Variants in SAMD5 observed in about 807,000 individuals in gnomAD.
SAMD5 encodes sterile alpha motif domain containing 5, also known as sterile alpha motif domain-containing protein 5.
In SAMD5, 13 loss-of-function variants were observed where a neutral mutation model predicts 11.3. That is an observed-to-expected ratio of 1.15 (90% CI 0.75 to 1.83). The LOEUF (loss-of-function observed/expected upper bound fraction) is 1.83, where lower values mean the gene tolerates loss of function less well. Ranked by LOEUF, SAMD5 falls within the 40% of genes most tolerant of loss-of-function variation. SAMD5 has a pLI of 0.00. For missense variants in SAMD5, 255 were observed against 239.1 expected (o/e 1.07, Z -0.44); for synonymous variants, 129 against 111.3 (o/e 1.16, Z -1.00).
intron 1 of SAMD5, among the ~76,000 whole-genome samples, chr6:147,549,990 A>G (rs960171347): frequency 6.6e-6 from 1 of 151,308 alleles, no homozygotes; most frequent in East Asian, 1.9e-4. Context: ...CATGCCTGTA[A>G]TCCCCACACT....
chr6:147,935,247 C>T, the SAMD5 span, among the ~76,000 whole-genome samples: 1 of 152,266 alleles, frequency 6.6e-6, no homozygotes, highest in African/African-American at 2.4e-5. Flanking sequence ...GCCTGCCTCT[C>T]AAGATCAGTC....
At chr6:147,525,551 G>C (rs947868087) in intron 1 of SAMD5, among the ~76,000 whole-genome samples, 35 of 151,966 alleles carry the variant, frequency 2.3e-4, no homozygotes, top group Non-Finnish European at 1.5e-5. Context: ...GGTAATGACT[G>C]TAACTTTTCC....
chr6:147,671,537 C>A (rs9390490), intron 1 of SAMD5, among the ~76,000 whole-genome samples: 11,371 of 152,254 alleles, frequency 0.075, 542 homozygotes, highest in South Asian at 0.18. Context: ...AGAGTTTCTA[C>A]CAAATTGTTC....
At chr6:147,796,024 C>T in the SAMD5 span, among the ~76,000 whole-genome samples, 70,562 of 143,682 alleles carry the variant, frequency 0.49, 17,979 homozygotes, top group South Asian at 0.61. Flanking sequence ...GTTGCCTGTT[C>T]ACTCTGATGG....
the SAMD5 span, among the ~76,000 whole-genome samples, chr6:147,879,662 CA>C: frequency 6.6e-6 from 1 of 152,086 alleles, no homozygotes; most frequent in South Asian, 2.1e-4. Flanking sequence ...CTTTTGAAAA[CA>C]GTGCATGAAA....
chr6:147,800,734 T>A, the SAMD5 span, among the ~76,000 whole-genome samples: 4 of 150,170 alleles, frequency 2.7e-5, no homozygotes, highest in Non-Finnish European at 5.9e-5. Flanking sequence ...ATTACTGTTT[T>A]AAAAATAGCA....
chr6:147,699,236 A>G (rs528023234), intron 1 of SAMD5, among the ~76,000 whole-genome samples: 4 of 152,308 alleles, frequency 2.6e-5, no homozygotes, highest in Admixed American at 6.5e-5. Context: ...GCCTGGCTCA[A>G]AGCAGAGGCT....
At chr6:147,878,557 G>GAT in the SAMD5 span, among the ~76,000 whole-genome samples, 1 of 144,924 alleles carries the variant, frequency 6.9e-6, no homozygotes, top group Admixed American at 6.9e-5. Context: ...ACTATATAAA[G>GAT]ATATATATAC....
intron 1 of SAMD5, among the ~76,000 whole-genome samples, chr6:147,624,304 C>G (rs1368650400): frequency 6.6e-6 from 1 of 152,122 alleles, no homozygotes; most frequent in Non-Finnish European, 1.5e-5. Context: ...GCTCGCTTCC[C>G]CCACCCCACC....
the SAMD5 span, among the ~76,000 whole-genome samples, chr6:147,829,325 C>T: frequency 6.6e-6 from 1 of 152,176 alleles, no homozygotes; most frequent in Non-Finnish European, 1.5e-5. Flanking sequence ...GGCTCATAGA[C>T]TCTGCCCCCT....
At chr6:147,942,643 C>T in the SAMD5 span, among the ~76,000 whole-genome samples, 1 of 152,166 alleles carries the variant, frequency 6.6e-6, no homozygotes, top group African/African-American at 2.4e-5. Flanking sequence ...CTAAGAGGCT[C>T]CTGTGGAAAA....
the SAMD5 span, among the ~76,000 whole-genome samples, chr6:147,886,824 G>A: frequency 6.6e-6 from 1 of 152,186 alleles, no homozygotes; most frequent in African/African-American, 2.4e-5. Context: ...CTGAGGGAAG[G>A]CTCTGGCCAA....
chr6:147,577,127 G>A (rs1326043232), intron 1 of SAMD5, among the ~76,000 whole-genome samples: 1 of 152,184 alleles, frequency 6.6e-6, no homozygotes, highest in Non-Finnish European at 1.5e-5. Context: ...TGCCTAAATT[G>A]AAGGAATTTG....
chr6:147,691,036 C>A (rs1225025932), intron 1 of SAMD5, among the ~76,000 whole-genome samples: 2 of 151,134 alleles, frequency 1.3e-5, no homozygotes, highest in Non-Finnish European at 2.9e-5. Flanking sequence ...CTCTTGTTGC[C>A]CAGGCTGGAG....
At chr6:147,513,209 T>C (rs1246881772) in intron 1 of SAMD5, among the ~76,000 whole-genome samples, 2 of 151,750 alleles carry the variant, frequency 1.3e-5, no homozygotes, top group African/African-American at 4.8e-5. Flanking sequence ...GAATTTGGAG[T>C]ATATCTTGTG....
At position 147,645,491 on chromosome 6, in the gene SAMD5, A is replaced by G. The variant is rs558375124; in HGVS notation, c.163-91826A>G. Among the ~76,000 whole-genome samples, 7 of 152,280 alleles carry G rather than the reference A, an allele frequency of 4.6e-5. No individual in the cohort carries two copies. The South Asian group carries it at 1.2e-3, about 27-fold the overall frequency. On this transcript the variant is annotated intron_variant, in intron 1 of 1. Coordinates refer to the SAMD5 transcript ENST00000566741. ...TGTTAGAATAATAGAATTTTTCTAT[A>G]CGTTATGTATTTATACACTTACTGC... is the stretch of plus-strand genomic sequence containing the variant.
the SAMD5 span, among the ~76,000 whole-genome samples, chr6:147,856,187 A>C: frequency 6.6e-6 from 1 of 152,218 alleles, no homozygotes; most frequent in Non-Finnish European, 1.5e-5. Context: ...AGATGTGAGC[A>C]TATTGTAAAA....
intron 1 of SAMD5, among the ~76,000 whole-genome samples, chr6:147,654,612 T>C (rs73010132): frequency 0.042 from 6,403 of 152,142 alleles, 159 homozygotes; most frequent in South Asian, 0.054. Flanking sequence ...TCCTTCTGAT[T>C]AGCCTGTTTT....
chr6:147,926,508 T>G, the SAMD5 span, among the ~76,000 whole-genome samples: 1 of 152,156 alleles, frequency 6.6e-6, no homozygotes, highest in Non-Finnish European at 1.5e-5. Context: ...GTTCATGTCC[T>G]TGGCTCACTT....
Sources: allele counts gnomAD v4.1 joint callset (sites outside exome capture counted in the v4.1 genomes callset), GRCh38; gene constraint gnomAD v4.1.1; transcripts MANE v1.5; gene names NCBI Gene and HGNC (gene_info 2026-07-23, HGNC 2026-07-21).